RET: variants seen among roughly 807,000 people sequenced by gnomAD.
RET encodes the protein proto-oncogene tyrosine-protein kinase receptor Ret.
In RET, 19 loss-of-function variants were observed where a neutral mutation model predicts 118.3. That is an observed-to-expected ratio of 0.16 (90% CI 0.11 to 0.24). The LOEUF (loss-of-function observed/expected upper bound fraction) is 0.24. RET is among the 10% of genes least tolerant of loss of function. RET has a pLI of 1.00. For synonymous variants in RET, 597 were observed against 644.1 expected, an observed-to-expected ratio of 0.93 and a Z score of 1.11; for missense variants, 1,219 against 1,502.1, an observed-to-expected ratio of 0.81 and a Z score of 3.12.
intron 1 of RET, among the ~76,000 whole-genome samples, chr10:43,083,546 G>A (rs1467796324): frequency 6.6e-6 from 1 of 152,218 alleles, no homozygotes; most frequent in East Asian, 1.9e-4. Context: ...CTGGGAGGGG[G>A]CCACCGTCAC....
intron 3 of RET, among the ~76,000 whole-genome samples, chr10:43,103,496 A>T (rs1837688443): frequency 6.6e-6 from 1 of 152,176 alleles, no homozygotes; most frequent in African/African-American, 2.4e-5. Context: ...GCAGCTGACT[A>T]GGTGCAGGGA....
Position 43,118,383 on chromosome 10 carries a change from C to T in RET, c.2295C>T (p.Ser765=). The part of the protein sequence containing the change: ...VAVKMLKENA[S]PSELRDLLSE... The stretch of plus-strand genomic sequence containing the variant: ...TGTGCTGCATTTCAGAGAACGCCTC[C>T]CCGAGTGAGCTGCGAGACCTGCTGT... Residue 765 remains serine, a synonymous_variant, in exon 13 of 20, where the codon TCC becomes TCT. Coordinates refer to ENST00000355710, the MANE Select transcript of RET (RefSeq NM_020975.6). 6.2e-7 allele frequency: 1 copy of T among 1,613,932 alleles called. No homozygotes were observed. Among genetic ancestry groups the T allele is most frequent in the South Asian group, 1.1e-5 (1 of 91,058 alleles).
rs1342035242 is a variant in RET at position 43,077,237 on chromosome 10, G to C, written c.-22G>C. 1 of 1,494,480 alleles carries C rather than the reference G, an allele frequency of 6.7e-7. No homozygotes were observed. 92.6% of individuals were successfully genotyped at this position (1,494,480 alleles called of 1,614,324 possible). A position where few individuals can be genotyped will look rare whatever the true frequency, so the allele number is the denominator to read the frequency against. On this transcript the variant is annotated 5_prime_UTR_variant, in exon 1 of 20. Coordinates refer to ENST00000355710, the MANE Select transcript of RET (RefSeq NM_020975.6). The stretch of plus-strand genomic sequence containing the variant: ...GGCCCTAGCCGCAGTCCCTCCAGCC[G>C]TGGCCCCAGCGCGCACGGGCGATGG...
At chr10:43,081,779 C>G (rs1197912209) in intron 1 of RET, among the ~76,000 whole-genome samples, 1 of 152,206 alleles carries the variant, frequency 6.6e-6, no homozygotes, top group Non-Finnish European at 1.5e-5. Context: ...CCCTCTGGCT[C>G]CCCCACTAGA....
chr10:43,086,769 T>C (rs973853058), intron 1 of RET, among the ~76,000 whole-genome samples: 47 of 152,238 alleles, frequency 3.1e-4, no homozygotes, highest in African/African-American at 1.1e-3. Context: ...GAAATTGCAG[T>C]TGGGCAGGAG....
chr10:43,112,295 C>T (rs1051763367), intron 8 of RET, 71 bp downstream of exon 8: 4 of 1,470,968 alleles, frequency 2.7e-6, no homozygotes, highest in Admixed American at 2.3e-5. Context: ...TCCTGGGGCC[C>T]TGCCAGCCTG....
chr10:43,085,861 G>A (rs764421782), intron 1 of RET, among the ~76,000 whole-genome samples: 8 of 152,152 alleles, frequency 5.3e-5, no homozygotes, highest in Non-Finnish European at 7.3e-5. Context: ...CCCCCGCATC[G>A]GGCTGCCTGG....
chr10:43,100,825 C>A lies in RET; in HGVS notation c.337+103C>A. 5 of 1,301,046 alleles carry A rather than the reference C, an allele frequency of 3.8e-6. No homozygotes were observed. The African/African-American group carries it at 4.4e-5, about 11-fold the overall frequency. 80.6% of individuals were successfully genotyped at this position (1,301,046 alleles called of 1,614,324 possible). On this transcript the variant is annotated intron_variant, in intron 2 of 19. Transcript: ENST00000355710. ...ACTGAAGCTTGGCATGGCTTCCCCC[C>A]CACCGCTGGTGTGGAAGGCGTCAGG...
Position 43,104,993 on chromosome 10 carries a change from G to A in RET, c.667G>A (p.Val223Met), listed in dbSNP as rs587780815. Residue 223 changes from valine (V) to methionine (M), a missense_variant, in exon 4 of 20, where the codon GTG (valine) becomes ATG (methionine). By Grantham distance (21) the Val-to-Met change is conservative. Transcript: ENST00000355710. ...CCGCTGCGCCCCGGACAGCCTGGAG[G>A]TGAGCACGCGCTGGGCCCTGGACCG... ...PFRCAPDSLE[V>M]STRWALDREQ... The A allele has an allele frequency of 1.8e-5, 29 of 1,586,738 alleles. No homozygotes were observed. In the South Asian group the frequency reaches 2.5e-4, roughly 14 times the overall value.
intron 1 of RET, among the ~76,000 whole-genome samples, chr10:43,092,903 G>T (rs967719449): frequency 6.6e-6 from 1 of 152,176 alleles, no homozygotes; most frequent in African/African-American, 2.4e-5. Flanking sequence ...TCCAGTGCCC[G>T]TGAGACCATG....
chr10:43,081,640 C>T (rs1837185593), intron 1 of RET, among the ~76,000 whole-genome samples: 1 of 152,148 alleles, frequency 6.6e-6, no homozygotes, highest in Non-Finnish European at 1.5e-5. Context: ...AGGGGAGCAC[C>T]CCATGGCCCC....
chr10:43,102,268 T>C, intron 2 of RET, 74 bp from the exon 3 acceptor site: 8 of 1,584,020 alleles, frequency 5.1e-6, no homozygotes, highest in Non-Finnish European at 6.9e-6. Flanking sequence ...GCCCTGGAGC[T>C]CCTGCCTCCT....
intron 17 of RET, among the ~76,000 whole-genome samples, chr10:43,124,618 C>T (rs1838290142): frequency 6.6e-6 from 1 of 152,184 alleles, no homozygotes; most frequent in Non-Finnish European, 1.5e-5. Context: ...AATGAATCTC[C>T]CTTGGAGGGA....
chr10:43,082,043 C>G (rs1226974997), intron 1 of RET, among the ~76,000 whole-genome samples: 1 of 152,206 alleles, frequency 6.6e-6, no homozygotes. Flanking sequence ...CCATGGAGCT[C>G]TGGTCCCGCA....
Position 43,128,788 on chromosome 10 carries a change from C to G in RET, c.*519C>G, listed in dbSNP as rs1046505420. On this transcript the variant is annotated 3_prime_UTR_variant, in exon 20 of 20. Coordinates refer to ENST00000355710, the MANE Select transcript of RET (RefSeq NM_020975.6). Reference sequence around the variant, plus strand: ...GGGGGGCCTGGGGGTAGTGTCAATGCCCCTCCAGGGCTGGAGGGGAAGAGG... The same window carrying G: ...GGGGGGCCTGGGGGTAGTGTCAATGGCCCTCCAGGGCTGGAGGGGAAGAGG... The G allele has an allele frequency of 3.7e-6, 1 of 270,156 alleles. No individual in the cohort carries two copies. Among genetic ancestry groups the G allele is most frequent in the African/African-American group, 2.2e-5 (1 of 45,968 alleles). 16.7% of individuals were successfully genotyped at this position (270,156 alleles called of 1,614,324 possible).
intron 1 of RET, among the ~76,000 whole-genome samples, chr10:43,095,977 G>A (rs1238860057): frequency 6.6e-6 from 1 of 152,232 alleles, no homozygotes; most frequent in African/African-American, 2.4e-5. Flanking sequence ...AAGCGACACT[G>A]CCATTTGCAC....
intron 8 of RET, 69 bp from the exon 9 acceptor site, chr10:43,112,784 C>T: frequency 8.1e-7 from 1 of 1,242,174 alleles, no homozygotes; most frequent in East Asian, 2.4e-5. Context: ...GCAGGATCTG[C>T]CTAGGAGGTG....
intron 17 of RET, 65 bp downstream of exon 17, chr10:43,123,873 C>T: frequency 1.9e-6 from 3 of 1,610,162 alleles, no homozygotes; most frequent in Admixed American, 3.3e-5. Context: ...TGTGCATTCC[C>T]TCCCCATCCA....
chr10:43,114,720 A>C lies in RET; in HGVS notation c.2120A>C (p.Asp707Ala), dbSNP rs2132855283. ...LDSMENQVSV[D>A]AFKILEDPKW... is the part of the protein sequence containing the mutation. ...TCCATGGAGAACCAGGTCTCCGTGG[A>C]TGCCTTCAAGATCCTGGTGAGGGTC... The change falls in exon 11 of 20, where the codon GAT (aspartate) becomes GCT (alanine). Residue 707 changes from aspartate to alanine, a missense_variant. Transcript: ENST00000355710. The surrounding 1 kb of genome is among the most constrained non-coding windows in gnomAD (Gnocchi z 4.6). 6.2e-7 allele frequency: 1 copy of C among 1,610,670 alleles called. No homozygotes were observed. The highest frequency in any genetic ancestry group is 8.5e-7 in the Non-Finnish European group (1 of 1,179,708).
Sources: gnomAD v4.1 joint callset for allele counts (sites outside exome capture counted in the v4.1 genomes callset) on GRCh38, gnomAD v4.1.1 for gene constraint, Gnocchi (gnomAD v3.1) non-coding constraint, MANE v1.5 for transcripts, NCBI Gene and HGNC (gene_info 2026-07-23, HGNC 2026-07-21) for gene names.